The following KIF16B variants were observed in gnomAD, a reference collection of about 807,000 sequenced individuals.
KIF16B encodes kinesin-like protein KIF16B.
A neutral mutation model predicts 156.3 loss-of-function variants in KIF16B; 98 were observed. The observed-to-expected ratio is 0.63, with a 90% confidence interval of 0.53 to 0.74. KIF16B has a LOEUF of 0.74. Ranked by LOEUF, KIF16B falls within the 30% of genes least tolerant of loss-of-function variation. The pLI is 0.00. For synonymous variants in KIF16B, 564 were observed against 583.7 expected, an observed-to-expected ratio of 0.97 and a Z score of 0.49; for missense variants, 1,421 against 1,606.5, an observed-to-expected ratio of 0.88 and a Z score of 1.97.
intron 12 of KIF16B, among the ~76,000 whole-genome samples, chr20:16,477,103 G>A (rs1351740682): frequency 6.6e-6 from 1 of 151,424 alleles, no homozygotes; most frequent in African/African-American, 2.4e-5. Flanking sequence ...GATTAGAAAT[G>A]AGAAAACAGA....
At chr20:16,288,038 T>C (rs996204088) in intron 25 of KIF16B, among the ~76,000 whole-genome samples, 1 of 152,222 alleles carries the variant, frequency 6.6e-6, no homozygotes, top group Admixed American at 6.5e-5. Flanking sequence ...CGTTTGAATC[T>C]ACATAAATGT....
chr20:16,459,847 T>C (rs1222648786), intron 12 of KIF16B, among the ~76,000 whole-genome samples: 1 of 152,188 alleles, frequency 6.6e-6, no homozygotes, highest in Non-Finnish European at 1.5e-5. Context: ...CTTCCCAGCC[T>C]TTCCTTTACT....
At chr20:16,491,534 G>T (rs1600531561) in intron 12 of KIF16B, among the ~76,000 whole-genome samples, 3 of 152,128 alleles carry the variant, frequency 2.0e-5, no homozygotes, top group Admixed American at 6.5e-5. Flanking sequence ...AAATAACTCA[G>T]AACTTAATGA....
Position 16,542,892 on chromosome 20 carries a change from G to T in KIF16B, c.48-14452C>A, listed in dbSNP as rs948812918. Among the ~76,000 whole-genome samples, 4 of 152,288 alleles carry T rather than the reference G, an allele frequency of 2.6e-5. No homozygotes were observed. The South Asian group carries it at 8.3e-4, about 32-fold the overall frequency. ...ATATTTTTAAAAGGCCCCTCTGGTT[G>T]GTGTGCATAGACTCTAGAGGGATGG... On this transcript the variant is annotated intron_variant, in intron 1 of 25. Coordinates refer to ENST00000354981, the MANE Select transcript of KIF16B (RefSeq NM_024704.5).
chr20:16,416,004 T>C (rs946836672), intron 15 of KIF16B, among the ~76,000 whole-genome samples: 12 of 152,194 alleles, frequency 7.9e-5, no homozygotes, highest in African/African-American at 2.9e-4. Context: ...CTTGACTACA[T>C]GTATGTCTTC....
chr20:16,475,721 A>G (rs928388147), intron 12 of KIF16B, among the ~76,000 whole-genome samples: 3 of 152,238 alleles, frequency 2.0e-5, no homozygotes, highest in Non-Finnish European at 4.4e-5. Context: ...AAATGATATT[A>G]CAAGAAAAGT....
intron 23 of KIF16B, among the ~76,000 whole-genome samples, chr20:16,339,485 A>C (rs1410576750): frequency 6.6e-6 from 1 of 152,044 alleles, no homozygotes; most frequent in African/African-American, 2.4e-5. Flanking sequence ...CACGGCATAA[A>C]TTTACATGTG....
rs533315330 is a variant in KIF16B at position 16,298,958 on chromosome 20, C to T, written c.3795+13377G>A. On this transcript the variant is annotated intron_variant, in intron 25 of 25. Transcript: ENST00000354981. ...TACAGATTGTAAGAAACCAGAAAGA[C>T]GTATCAACCAATGCTATGTGTAAAT... is the stretch of plus-strand genomic sequence containing the variant. Among the ~76,000 whole-genome samples the T allele has an allele frequency of 2.6e-5, 4 of 151,248 alleles. No individual in the cohort carries two copies. In the South Asian group the frequency reaches 6.3e-4, roughly 24 times the overall value.
chr20:16,476,685 A>G (rs6105609), intron 12 of KIF16B, among the ~76,000 whole-genome samples: 57,390 of 151,840 alleles, frequency 0.38, 12,399 homozygotes, highest in African/African-American at 0.6. Context: ...TAAAAGATGC[A>G]GGATAGCCAT....
chr20:16,554,095 G>A (rs1475349742), intron 1 of KIF16B, among the ~76,000 whole-genome samples: 1 of 152,184 alleles, frequency 6.6e-6, no homozygotes, highest in Non-Finnish European at 1.5e-5. Flanking sequence ...GCAGGCTCCT[G>A]GGTAGAAAGA....
intron 10 of KIF16B, among the ~76,000 whole-genome samples, chr20:16,503,588 T>C (rs529987870): frequency 3.3e-5 from 5 of 152,308 alleles, no homozygotes; most frequent in African/African-American, 1.2e-4. Context: ...TTTCACGATA[T>C]ACTTAAGACA....
At chr20:16,340,448 A>G (rs1275499501) in intron 23 of KIF16B, among the ~76,000 whole-genome samples, 1 of 152,150 alleles carries the variant, frequency 6.6e-6, no homozygotes, top group African/African-American at 2.4e-5. Context: ...CTCTAAGGAG[A>G]GCTAAGATTT....
At chr20:16,472,942 C>A (rs2067705159) in intron 12 of KIF16B, among the ~76,000 whole-genome samples, 1 of 152,164 alleles carries the variant, frequency 6.6e-6, no homozygotes, top group Non-Finnish European at 1.5e-5. Flanking sequence ...AGGATAAAAA[C>A]CATATCTAGG....
chr20:16,567,918 C>T (rs1378372236), intron 1 of KIF16B, among the ~76,000 whole-genome samples: 3 of 152,210 alleles, frequency 2.0e-5, no homozygotes, highest in Non-Finnish European at 4.4e-5. Context: ...CGCCACTGCA[C>T]TCCAGCCTGG....
intron 1 of KIF16B, among the ~76,000 whole-genome samples, chr20:16,561,145 T>A (rs991757635): frequency 2.0e-5 from 3 of 151,706 alleles, no homozygotes; most frequent in African/African-American, 7.3e-5. Flanking sequence ...CAAAAAAAAA[T>A]TAGCTGGGCG....
At chr20:16,513,427 G>A (rs1568626269) in intron 4 of KIF16B, among the ~76,000 whole-genome samples, 2 of 152,096 alleles carry the variant, frequency 1.3e-5, no homozygotes, top group Non-Finnish European at 2.9e-5. Context: ...GGGAGGCCGA[G>A]GCGGGTGGAT....
chr20:16,378,276 A>G (rs995202150), intron 19 of KIF16B, among the ~76,000 whole-genome samples: 1 of 151,852 alleles, frequency 6.6e-6, no homozygotes, highest in African/African-American at 2.4e-5. Flanking sequence ...TAGGGAGAGA[A>G]GGAAAGAGAC....
chr20:16,525,632 T>G (rs551585547), intron 3 of KIF16B, among the ~76,000 whole-genome samples: 1 of 152,228 alleles, frequency 6.6e-6, no homozygotes, highest in Non-Finnish European at 1.5e-5. Flanking sequence ...ATGAACGTTC[T>G]TTCTTTCTAG....
At chr20:16,414,993 G>A (rs1398298996) in intron 15 of KIF16B, among the ~76,000 whole-genome samples, 2 of 152,148 alleles carry the variant, frequency 1.3e-5, no homozygotes, top group Non-Finnish European at 2.9e-5. Flanking sequence ...AGACTAAGCT[G>A]TGATGCTCAA....
Sources: allele counts gnomAD v4.1 joint callset (sites outside exome capture counted in the v4.1 genomes callset), GRCh38; gene constraint gnomAD v4.1.1; transcripts MANE v1.5; gene names NCBI Gene and HGNC (gene_info 2026-07-23, HGNC 2026-07-21).